Variants in MINDY4 observed in about 807,000 individuals in gnomAD.
MINDY4 encodes probable ubiquitin carboxyl-terminal hydrolase MINDY-4.
MINDY4 carries 68 observed loss-of-function variants against 87.0 expected under a neutral mutation model. The observed-to-expected ratio is 0.78, with a 90% CI of 0.64 to 0.96. The LOEUF (loss-of-function observed/expected upper bound fraction) is 0.96. MINDY4 is among the 40% of genes least tolerant of loss of function. MINDY4 has a pLI of 0.00. For synonymous variants in MINDY4, 379 were observed against 363.2 expected, an observed-to-expected ratio of 1.04 and a Z score of -0.50; for missense variants, 919 against 928.2, an observed-to-expected ratio of 0.99 and a Z score of 0.13.
At position 30,791,151 on chromosome 7, in the gene MINDY4, C is replaced by A; in HGVS notation, c.664-14C>A. The stretch of plus-strand genomic sequence containing the variant: ...TCAAAGGGTCCTCACTGCTTTTGTC[C>A]TTACTCCCTTTAGGATTCTTTTCAC... On this transcript the variant is annotated splice_polypyrimidine_tract_variant and intron_variant, in intron 4 of 17. Coordinates refer to ENST00000265299, the MANE Select transcript of MINDY4 (RefSeq NM_032222.3). 6.3e-7 allele frequency: 1 copy of A among 1,591,044 alleles called. No homozygotes were observed. Among genetic ancestry groups the A allele is most frequent in the Non-Finnish European group, 8.6e-7 (1 of 1,164,882 alleles).
At chr7:30,844,358 T>C (rs1013267722) in intron 9 of MINDY4, among the ~76,000 whole-genome samples, 19 of 152,224 alleles carry the variant, frequency 1.2e-4, no homozygotes, top group African/African-American at 4.6e-4. Flanking sequence ...CCGTCTCCCC[T>C]GACCCCAGCA....
intron 9 of MINDY4, among the ~76,000 whole-genome samples, chr7:30,842,269 C>T (rs970582981): frequency 1.3e-5 from 2 of 152,206 alleles, no homozygotes; most frequent in East Asian, 1.9e-4. Flanking sequence ...GTCGATCCTT[C>T]GTGGCTCTTG....
chr7:30,872,152 C>T, intron 13 of MINDY4, 91 bp from the exon 14 acceptor site: 1 of 1,220,102 alleles, frequency 8.2e-7, no homozygotes, highest in Admixed American at 1.9e-5. Flanking sequence ...GGGTCTTAGC[C>T]TGGAACCTAA....
chr7:30,867,227 C>G (rs557222786), intron 13 of MINDY4, among the ~76,000 whole-genome samples: 1 of 152,160 alleles, frequency 6.6e-6, no homozygotes, highest in African/African-American at 2.4e-5. Context: ...AGTTGATATC[C>G]GCTGTATCCA....
intron 1 of MINDY4, 104 bp downstream of exon 1, chr7:30,771,660 C>A: frequency 9.1e-7 from 1 of 1,094,842 alleles, no homozygotes. Flanking sequence ...CGCCCGTTCC[C>A]TACCTACTGC....
At chr7:30,778,252 C>T (rs541257686) in intron 1 of MINDY4, among the ~76,000 whole-genome samples, 180 bp from the exon 2 acceptor site, 1 of 152,330 alleles carries the variant, frequency 6.6e-6, no homozygotes, top group East Asian at 1.9e-4. Context: ...TCAGCCTTCA[C>T]TTAGCCCATG....
rs373917565 is a variant in MINDY4, at chr7:30,829,996, AGGTGAAGGATAGGAG to A, written c.1132+1261_1132+1275del. On this transcript the variant is annotated intron_variant, in intron 6 of 17. Coordinates refer to ENST00000265299, the MANE Select transcript of MINDY4 (RefSeq NM_032222.3). The stretch of plus-strand genomic sequence containing the variant: ...GCTAATGATTTAGGAAAGGAGAAGA[AGGTGAAGGATAGGAG>A]GCCATGGAACCCAGTCACGGAGAGA... Among the ~76,000 whole-genome samples, 1,510 of 152,200 alleles carry A rather than the reference AGGTGAAGGATAGGAG, an allele frequency of 9.9e-3. 8 individuals are homozygous for A. The highest frequency in any genetic ancestry group is 0.015 in the Non-Finnish European group (1,042 of 68,016).
At position 30,869,297 on chromosome 7, in the gene MINDY4, G is replaced by A. The variant is rs191734406; in HGVS notation, c.1746-2946G>A. Among the ~76,000 whole-genome samples, 440 of 152,326 alleles carry A rather than the reference G, an allele frequency of 2.9e-3. 1 individual carries two copies. Among genetic ancestry groups the A allele is most frequent in the African/African-American group, 0.01 (419 of 41,568 alleles). On this transcript the variant is annotated intron_variant, in intron 13 of 17. Coordinates refer to ENST00000265299, the MANE Select transcript of MINDY4 (RefSeq NM_032222.3). Reference sequence around the variant, plus strand: ...GCATGTTCTTGGAGATCCAGGGGCTGATAGAGGAGGAGAAGGATGGGACAA... The same window carrying A: ...GCATGTTCTTGGAGATCCAGGGGCTAATAGAGGAGGAGAAGGATGGGACAA...
intron 5 of MINDY4, among the ~76,000 whole-genome samples, chr7:30,821,056 C>T (rs1266601958): frequency 6.6e-6 from 1 of 152,106 alleles, no homozygotes; most frequent in Admixed American, 6.5e-5. Context: ...TTTAATCAAT[C>T]CCTCTACCCC....
At chr7:30,774,316 T>C (rs764063635) in intron 1 of MINDY4, among the ~76,000 whole-genome samples, 1 of 152,236 alleles carries the variant, frequency 6.6e-6, no homozygotes, top group Non-Finnish European at 1.5e-5. Context: ...TTAGTGTTCT[T>C]GTGGATGAAT....
chr7:30,800,402 C>T (rs569209497), intron 5 of MINDY4, among the ~76,000 whole-genome samples: 19 of 152,322 alleles, frequency 1.2e-4, no homozygotes, highest in African/African-American at 4.3e-4. Flanking sequence ...TCTGCAAGAG[C>T]ATCATATTAC....
intron 5 of MINDY4, among the ~76,000 whole-genome samples, chr7:30,807,618 C>T (rs1787851642): frequency 3.3e-5 from 5 of 152,146 alleles, no homozygotes; most frequent in Admixed American, 2.6e-4. Context: ...AAATGAAATC[C>T]ACAAGCAGAC....
intron 6 of MINDY4, among the ~76,000 whole-genome samples, chr7:30,835,691 A>T (rs1788835982): frequency 6.6e-6 from 1 of 152,196 alleles, no homozygotes; most frequent in Non-Finnish European, 1.5e-5. Context: ...CCGCCCACAC[A>T]GGCCCACTCT....
intron 6 of MINDY4, among the ~76,000 whole-genome samples, chr7:30,836,439 G>A (rs1351279114): frequency 3.9e-5 from 6 of 152,340 alleles, no homozygotes; most frequent in African/African-American, 1.4e-4. Flanking sequence ...ACAGAGCAGG[G>A]TTGTGACAAG....
intron 7 of MINDY4, among the ~76,000 whole-genome samples, chr7:30,838,034 A>AGG (rs1650881405): frequency 6.6e-6 from 1 of 152,160 alleles, no homozygotes; most frequent in Non-Finnish European, 1.5e-5. Context: ...TGACCCAGAG[A>AGG]GGGGGTACAG....
intron 6 of MINDY4, 133 bp downstream of exon 6, chr7:30,828,870 G>A (rs1223837190): frequency 2.6e-6 from 2 of 755,882 alleles, no homozygotes; most frequent in Non-Finnish European, 4.5e-6. Context: ...GGTCAAGTGA[G>A]TAGAGTAGAC....
rs535307277 is a variant in MINDY4, at chr7:30,866,734, A to C, written c.1746-5509A>C. ...GCAAAGGCCACTGGTGGGGGTTTGCAGGGATCAGTTGCAGAGGGTCTAGTT... is the reference window on the plus strand; with the variant it reads ...GCAAAGGCCACTGGTGGGGGTTTGCCGGGATCAGTTGCAGAGGGTCTAGTT... On this transcript the variant is annotated intron_variant, in intron 13 of 17. Coordinates refer to ENST00000265299, the MANE Select transcript of MINDY4 (RefSeq NM_032222.3). 1.4e-3 allele frequency among the ~76,000 whole-genome samples: 212 copies of C among 152,322 alleles called. 1 individual carries two copies. The highest frequency in any genetic ancestry group is 2.8e-3 in the Non-Finnish European group (188 of 68,028).
At chr7:30,812,201 G>A (rs1584265575) in intron 5 of MINDY4, among the ~76,000 whole-genome samples, 1 of 148,820 alleles carries the variant, frequency 6.7e-6, no homozygotes, top group East Asian at 2.0e-4. Flanking sequence ...TTTAGGGATG[G>A]TATATCATGA....
At chr7:30,880,222 G>A (rs1278018354) in intron 15 of MINDY4, among the ~76,000 whole-genome samples, 1 of 151,686 alleles carries the variant, frequency 6.6e-6, no homozygotes, top group African/African-American at 2.4e-5. Flanking sequence ...AGAAGATTAA[G>A]TAATCCCTAA....
Sources: allele counts gnomAD v4.1 joint callset (sites outside exome capture counted in the v4.1 genomes callset), GRCh38; gene constraint gnomAD v4.1.1; transcripts MANE v1.5; gene names NCBI Gene and HGNC (gene_info 2026-07-23, HGNC 2026-07-21).